MAF: variants seen among roughly 807,000 people sequenced by gnomAD.
MAF encodes the protein MAF bZIP transcription factor.
A neutral mutation model predicts 22.0 loss-of-function variants in MAF; 10 were observed. The observed-to-expected ratio is 0.45, with a 90% CI of 0.28 to 0.77. The LOEUF is 0.77. Ranked by LOEUF, MAF falls within the 30% of genes least tolerant of loss-of-function variation. The pLI is 0.12. For synonymous variants in MAF, 337 were observed against 255.8 expected (o/e 1.32, Z -3.03); for missense variants, 544 against 548.4 (o/e 0.99, Z 0.08).
chr16:79,205,166 C>G, the MAF span: 2 of 152,300 alleles, frequency 1.3e-5, no homozygotes, highest in Non-Finnish European at 2.9e-5. Flanking sequence ...ACTCTTCCCC[C>G]TGCATGCGTT....
the MAF span, among the ~76,000 whole-genome samples, chr16:79,346,075 T>C: frequency 1.3e-5 from 2 of 152,124 alleles, no homozygotes; most frequent in Admixed American, 6.5e-5. Context: ...ATGTGTACAA[T>C]GTGCAGGTTT....
the MAF span, among the ~76,000 whole-genome samples, chr16:79,306,150 C>G: frequency 1.3e-5 from 2 of 152,188 alleles, no homozygotes; most frequent in African/African-American, 4.8e-5. Context: ...GCCTCCTATG[C>G]TTTCTTAAGA....
chr16:79,381,548 G>A, the MAF span, among the ~76,000 whole-genome samples: 1 of 152,192 alleles, frequency 6.6e-6, no homozygotes, highest in Admixed American at 6.5e-5. Flanking sequence ...AACCTATGAA[G>A]ATTAGAGCCC....
At chr16:79,489,666 TG>T in the MAF span, among the ~76,000 whole-genome samples, 15 of 151,976 alleles carry the variant, frequency 9.9e-5, no homozygotes, top group Admixed American at 8.5e-4. Flanking sequence ...GCCAAAGAGA[TG>T]GCCCGAGAAG....
At chr16:79,217,063 G>T in the MAF span, among the ~76,000 whole-genome samples, 5 of 152,206 alleles carry the variant, frequency 3.3e-5, no homozygotes, top group African/African-American at 4.8e-5. Flanking sequence ...AACTGCCTCA[G>T]CCTCCCAGAG....
At chr16:79,212,472 T>TA in the MAF span, 1 of 230,172 alleles carries the variant, frequency 4.3e-6, no homozygotes, top group African/African-American at 2.2e-5. Flanking sequence ...AATCATTCCT[T>TA]AGATACCTTG....
At chr16:79,294,444 G>T in the MAF span, among the ~76,000 whole-genome samples, 14 of 152,120 alleles carry the variant, frequency 9.2e-5, no homozygotes, top group African/African-American at 2.7e-4. Flanking sequence ...GGCTACCTTG[G>T]GTCAGTCACT....
chr16:79,315,294 G>C, the MAF span, among the ~76,000 whole-genome samples: 1 of 152,156 alleles, frequency 6.6e-6, no homozygotes, highest in East Asian at 1.9e-4. Flanking sequence ...AATGAAGCCA[G>C]TTAGGGGACT....
At chr16:79,449,881 G>A in the MAF span, among the ~76,000 whole-genome samples, 1 of 152,190 alleles carries the variant, frequency 6.6e-6, no homozygotes, top group African/African-American at 2.4e-5. Flanking sequence ...TCACCCCAGA[G>A]AATTTCAGCA....
At chr16:79,213,955 T>C in the MAF span, among the ~76,000 whole-genome samples, 1 of 152,142 alleles carries the variant, frequency 6.6e-6, no homozygotes, top group African/African-American at 2.4e-5. Flanking sequence ...CTTCCAGCAC[T>C]TTATCCACTA....
the MAF span, among the ~76,000 whole-genome samples, chr16:79,272,702 C>G: frequency 2.0e-5 from 3 of 152,250 alleles, no homozygotes; most frequent in African/African-American, 7.2e-5. Flanking sequence ...ATTCATTTGT[C>G]CATTCATTCA....
chr16:79,342,717 A>T, the MAF span, among the ~76,000 whole-genome samples: 2 of 152,168 alleles, frequency 1.3e-5, no homozygotes, highest in African/African-American at 2.4e-5. Flanking sequence ...AATACAAAAC[A>T]TCTTACTATT....
At chr16:79,473,038 C>T in the MAF span, among the ~76,000 whole-genome samples, 3 of 152,062 alleles carry the variant, frequency 2.0e-5, no homozygotes, top group Non-Finnish European at 2.9e-5. Flanking sequence ...AATGTACAGA[C>T]TACAGGTTGT....
the MAF span, among the ~76,000 whole-genome samples, chr16:79,516,449 G>A: frequency 1.3e-5 from 2 of 152,204 alleles, no homozygotes; most frequent in African/African-American, 2.4e-5. Context: ...AGGCAAAGGT[G>A]AGTATTATTA....
chr16:79,596,276 C>T, intron 1 of MAF: 1 of 1,059,842 alleles, frequency 9.4e-7, no homozygotes, highest in Non-Finnish European at 1.1e-6. Flanking sequence ...AAAATGAGGT[C>T]ATAATTTACA....
the MAF span, among the ~76,000 whole-genome samples, chr16:79,257,494 T>G: frequency 6.6e-6 from 1 of 152,144 alleles, no homozygotes. Flanking sequence ...CATAAGAGGT[T>G]TTAAAGTAAA....
At chr16:79,236,934 A>G in the MAF span, among the ~76,000 whole-genome samples, 108 of 121,918 alleles carry the variant, frequency 8.9e-4, no homozygotes, top group Non-Finnish European at 1.5e-3. Context: ...CAACTGTGCC[A>G]TAAATCTCGG....
the MAF span, among the ~76,000 whole-genome samples, chr16:79,420,253 C>A: frequency 1.3e-5 from 2 of 152,160 alleles, no homozygotes; most frequent in Non-Finnish European, 2.9e-5. Flanking sequence ...GTATGGCGAA[C>A]AAAATGTGTG....
chr16:79,448,184 A>C, the MAF span, among the ~76,000 whole-genome samples: 4 of 152,168 alleles, frequency 2.6e-5, no homozygotes, highest in African/African-American at 9.7e-5. Context: ...CACATGCCAC[A>C]GAGAAATTGT....
Sources: gnomAD v4.1 joint callset for allele counts (sites outside exome capture counted in the v4.1 genomes callset) on GRCh38, gnomAD v4.1.1 for gene constraint, MANE v1.5 for transcripts, NCBI Gene and HGNC (gene_info 2026-07-23, HGNC 2026-07-21) for gene names.